TULP4: variants seen among roughly 807,000 people sequenced by gnomAD.
The protein encoded by TULP4 is TUB like protein 4.
TULP4 carries 16 observed loss-of-function variants against 129.0 expected under a neutral mutation model. The ratio of observed to expected loss-of-function variants is 0.12; its 90% confidence interval spans 0.08 to 0.19. The LOEUF (loss-of-function observed/expected upper bound fraction) is 0.19. Among genes scored for constraint, TULP4 ranks in the 10% least tolerant of loss-of-function variants. The pLI is 1.00. For missense variants in TULP4, 1,842 were observed against 2,059.1 expected (o/e 0.89, Z 2.04); for synonymous variants, 998 against 854.0 (o/e 1.17, Z -2.94).
At chr6:158,292,357 G>T (rs905979957) in intron 1 of TULP4, among the ~76,000 whole-genome samples, 10 of 152,160 alleles carry the variant, frequency 6.6e-5, no homozygotes, top group African/African-American at 2.2e-4. Flanking sequence ...CCCTAATTCC[G>T]ATTCCAGTGC....
intron 1 of TULP4, among the ~76,000 whole-genome samples, chr6:158,392,605 C>T (rs1169174392): frequency 1.3e-5 from 2 of 151,820 alleles, no homozygotes; most frequent in East Asian, 1.9e-4. Context: ...GATATCTGCT[C>T]ACATCTCAGG....
intron 1 of TULP4, among the ~76,000 whole-genome samples, chr6:158,240,745 G>T (rs868651658): frequency 1.7e-5 from 2 of 117,964 alleles, no homozygotes; most frequent in South Asian, 2.7e-4. Context: ...CCGGGCGGGG[G>T]GCTGACCCCC....
At chr6:158,323,959 C>A (rs1194816469) in intron 1 of TULP4, among the ~76,000 whole-genome samples, 1 of 151,984 alleles carries the variant, frequency 6.6e-6, no homozygotes, top group Admixed American at 6.6e-5. Flanking sequence ...GTCATTTTTG[C>A]TTAAAGTTCA....
chr6:158,313,677 C>A lies in TULP4; in HGVS notation c.-340C>A. 1 of 443,658 alleles carries A rather than the reference C, an allele frequency of 2.3e-6. No homozygotes were observed. Among genetic ancestry groups the A allele is most frequent in the Non-Finnish European group, 3.9e-6 (1 of 253,858 alleles). 27.5% of individuals were successfully genotyped at this position (443,658 alleles called of 1,614,324 possible). ...ACCAAGTGGAGTAAAAAGAAGAAAA[C>A]CGTTTCTTGATCACCACTTAATTAA... is the stretch of plus-strand genomic sequence containing the variant. On this transcript the variant is annotated 5_prime_UTR_variant, in exon 1 of 14. Coordinates refer to ENST00000367097, the MANE Select transcript of TULP4 (RefSeq NM_020245.5).
intron 2 of TULP4, among the ~76,000 whole-genome samples, chr6:158,418,459 C>A (rs1009870749): frequency 6.7e-6 from 1 of 148,790 alleles, no homozygotes; most frequent in African/African-American, 2.5e-5. Context: ...TTTGTTTTTC[C>A]AGTTGTGATA....
At chr6:158,396,601 A>G (rs556038628) in intron 1 of TULP4, among the ~76,000 whole-genome samples, 1 of 152,328 alleles carries the variant, frequency 6.6e-6, no homozygotes, top group South Asian at 2.1e-4. Context: ...ATTTTTATGT[A>G]ATTACATATA....
chr6:158,309,975 TGTTA>T (rs1426492019), upstream of TULP4, among the ~76,000 whole-genome samples: 1 of 150,460 alleles, frequency 6.6e-6, no homozygotes, highest in African/African-American at 2.5e-5. Flanking sequence ...CAACAAATTC[TGTTA>T]GTTGTTTTCC....
intron 2 of TULP4, among the ~76,000 whole-genome samples, chr6:158,429,084 G>A (rs1778569759): frequency 6.6e-6 from 1 of 152,172 alleles, no homozygotes; most frequent in Non-Finnish European, 1.5e-5. Flanking sequence ...CTAGGCTCAA[G>A]GAATCCTCCC....
chr6:158,315,412 T>C (rs979744420), intron 1 of TULP4, among the ~76,000 whole-genome samples: 3 of 152,158 alleles, frequency 2.0e-5, no homozygotes, highest in African/African-American at 7.2e-5. Context: ...CTACCTCTTA[T>C]TACCATCACC....
intron 1 of TULP4, among the ~76,000 whole-genome samples, chr6:158,338,600 A>G (rs1308537031): frequency 2.6e-5 from 4 of 152,218 alleles, no homozygotes; most frequent in Non-Finnish European, 4.4e-5. Flanking sequence ...ACATTTCCGC[A>G]TACTAGAGGC....
At chr6:158,323,606 C>T (rs1345783585) in intron 1 of TULP4, among the ~76,000 whole-genome samples, 3 of 152,244 alleles carry the variant, frequency 2.0e-5, no homozygotes, top group East Asian at 1.9e-4. Context: ...GCCCCACTCC[C>T]GGAGGTGCAT....
At chr6:158,474,448 C>CA (rs1228991279) in intron 6 of TULP4, among the ~76,000 whole-genome samples, 7 of 152,024 alleles carry the variant, frequency 4.6e-5, no homozygotes, top group Non-Finnish European at 1.0e-4. Flanking sequence ...CTATCCAACT[C>CA]ACTGCTATAT....
chr6:158,480,938 T>C, intron 7 of TULP4, 117 bp from the exon 8 acceptor site: 2 of 873,614 alleles, frequency 2.3e-6, no homozygotes, highest in Non-Finnish European at 3.5e-6. Flanking sequence ...GCCCCCAGCC[T>C]GTGCTCTGTC....
chr6:158,241,431 C>T (rs1235147424), intron 1 of TULP4, among the ~76,000 whole-genome samples: 1 of 148,416 alleles, frequency 6.7e-6, no homozygotes, highest in Non-Finnish European at 1.5e-5. Context: ...TGAGATCACG[C>T]CACTGCACTC....
chr6:158,386,178 A>G (rs1334345027), intron 1 of TULP4, among the ~76,000 whole-genome samples: 2 of 152,068 alleles, frequency 1.3e-5, no homozygotes, highest in African/African-American at 2.4e-5. Flanking sequence ...AAAGACTGCA[A>G]TTGGCTAGCT....
At chr6:158,425,606 GTTTGT>G (rs772489840) in intron 2 of TULP4, among the ~76,000 whole-genome samples, 2 of 147,270 alleles carry the variant, frequency 1.4e-5, no homozygotes, top group African/African-American at 5.0e-5. Flanking sequence ...GTTTTTTTTT[GTTTGT>G]TTTGTTTTGT....
At chr6:158,504,363 T>C in intron 13 of TULP4, among the ~76,000 whole-genome samples, 185 bp downstream of exon 13, 1 of 151,272 alleles carries the variant, frequency 6.6e-6, no homozygotes, top group Non-Finnish European at 1.5e-5. Flanking sequence ...TTTTTTTTCT[T>C]TTTGAGACCG....
Position 158,461,426 on chromosome 6 carries a change from A to AC in TULP4, c.860-137_860-136insC, listed in dbSNP as rs1562576151. On this transcript the variant is annotated intron_variant, in intron 5 of 13. Transcript: ENST00000367097. ...AACTCCGTCTCAAAAAAAAAAAAAA[A>AC]GGAAAAAACCATGAATATATTTTTG... 71 of 733,820 alleles carry AC rather than the reference A, an allele frequency of 9.7e-5. 1 individual carries two copies. The African/African-American group carries it at 1.6e-3, about 17-fold the overall frequency. 45.5% of individuals were successfully genotyped at this position (733,820 alleles called of 1,614,324 possible). A position where few individuals can be genotyped will look rare whatever the true frequency, so the allele number is the denominator to read the frequency against.
intron 1 of TULP4, chr6:158,238,460 G>A: frequency 2.5e-6 from 1 of 393,612 alleles, no homozygotes; most frequent in Non-Finnish European, 4.4e-6. Context: ...GATAATTCTT[G>A]GGTGTTTCTC....
Sources: allele counts gnomAD v4.1 joint callset (sites outside exome capture counted in the v4.1 genomes callset), GRCh38; gene constraint gnomAD v4.1.1; transcripts MANE v1.5; gene names NCBI Gene and HGNC (gene_info 2026-07-23, HGNC 2026-07-21).